The following STXBP5L variants were observed in gnomAD, a reference collection of about 807,000 sequenced individuals.
STXBP5L encodes syntaxin binding protein 5L, also known as syntaxin-binding protein 5-like.
A neutral mutation model predicts 144.5 loss-of-function variants in STXBP5L; 65 were observed. The ratio of observed to expected loss-of-function variants is 0.45; its 90% CI spans 0.37 to 0.55. The LOEUF (loss-of-function observed/expected upper bound fraction) is 0.55, where lower values mean the gene tolerates loss of function less well. Ranked by LOEUF, STXBP5L falls within the 20% of genes least tolerant of loss-of-function variation. The pLI is 0.00. For synonymous variants in STXBP5L, 505 were observed against 469.6 expected (o/e 1.08, Z -0.97); for missense variants, 1,298 against 1,405.5 (o/e 0.92, Z 1.22).
chr3:120,993,820 C>A (rs1280390374), intron 3 of STXBP5L, among the ~76,000 whole-genome samples: 2 of 151,488 alleles, frequency 1.3e-5, no homozygotes, highest in South Asian at 2.1e-4. Flanking sequence ...GGATTTTTTT[C>A]TATTTTTGTG....
At chr3:121,157,700 T>C in intron 9 of STXBP5L, 73 bp downstream of exon 9, 3 of 1,528,604 alleles carry the variant, frequency 2.0e-6, no homozygotes, top group Non-Finnish European at 2.6e-6. Context: ...AGAGATGGTA[T>C]TAATGCGTTT....
At chr3:121,291,624 A>G (rs775262340) in intron 19 of STXBP5L, among the ~76,000 whole-genome samples, 3 of 152,174 alleles carry the variant, frequency 2.0e-5, no homozygotes, top group Non-Finnish European at 2.9e-5. Flanking sequence ...AAAAGAAAAA[A>G]TCTGGAGGCA....
intron 22 of STXBP5L, among the ~76,000 whole-genome samples, chr3:121,399,144 T>C (rs1203825649): frequency 6.6e-6 from 1 of 152,208 alleles, no homozygotes; most frequent in Non-Finnish European, 1.5e-5. Context: ...TACTTCATTA[T>C]ACTCTCCTTC....
intron 3 of STXBP5L, among the ~76,000 whole-genome samples, chr3:121,027,192 ATG>A (rs66518713): frequency 0.099 from 15,053 of 152,068 alleles, 1,161 homozygotes; most frequent in Admixed American, 0.2. Context: ...TGATCAAAAT[ATG>A]TCTCATTCCA....
chr3:121,053,707 G>A (rs1424733439), intron 5 of STXBP5L, among the ~76,000 whole-genome samples: 1 of 152,158 alleles, frequency 6.6e-6, no homozygotes, highest in Non-Finnish European at 1.5e-5. Flanking sequence ...AGCACCAAAA[G>A]CAATGACAAC....
intron 3 of STXBP5L, among the ~76,000 whole-genome samples, chr3:120,976,380 T>C (rs1012155941): frequency 2.0e-5 from 3 of 152,130 alleles, no homozygotes; most frequent in Non-Finnish European, 4.4e-5. Context: ...TCTGTGGGAT[T>C]GGTGGTGATA....
intron 11 of STXBP5L, among the ~76,000 whole-genome samples, chr3:121,227,330 C>T (rs1315047773): frequency 1.3e-5 from 2 of 152,128 alleles, no homozygotes; most frequent in Admixed American, 1.3e-4. Flanking sequence ...CCTGTAATCC[C>T]AGCACTTTGG....
chr3:121,147,684 G>C (rs76338161), intron 7 of STXBP5L, among the ~76,000 whole-genome samples: 18,252 of 152,164 alleles, frequency 0.12, 1,153 homozygotes, highest in Non-Finnish European at 0.14. Context: ...TCATTCTAAA[G>C]GTTTAGGTGA....
chr3:120,926,192 AT>A (rs941264104), intron 2 of STXBP5L, among the ~76,000 whole-genome samples: 4 of 151,096 alleles, frequency 2.6e-5, no homozygotes, highest in African/African-American at 7.3e-5. Context: ...TTGTAAGTTA[AT>A]TTTTTTTTAA....
intron 6 of STXBP5L, among the ~76,000 whole-genome samples, chr3:121,121,039 G>T (rs576694046): frequency 2.5e-4 from 38 of 151,196 alleles, no homozygotes; most frequent in Non-Finnish European, 5.3e-4. Flanking sequence ...ACAATATTCT[G>T]TTAGACTCAT....
At chr3:121,166,143 A>G (rs1272322316) in intron 9 of STXBP5L, among the ~76,000 whole-genome samples, 2 of 151,934 alleles carry the variant, frequency 1.3e-5, no homozygotes, top group Non-Finnish European at 2.9e-5. Flanking sequence ...AGTAGCTGGG[A>G]CTACAGGTGT....
chr3:121,345,472 T>C (rs1259134788), intron 20 of STXBP5L, among the ~76,000 whole-genome samples: 1 of 152,130 alleles, frequency 6.6e-6, no homozygotes, highest in Non-Finnish European at 1.5e-5. Context: ...TAAACATACG[T>C]GTGCATATGT....
chr3:121,358,887 T>C (rs997477137), intron 20 of STXBP5L, among the ~76,000 whole-genome samples: 1 of 152,216 alleles, frequency 6.6e-6, no homozygotes, highest in Non-Finnish European at 1.5e-5. Flanking sequence ...TATTTATTCA[T>C]GTATGGATGG....
intron 3 of STXBP5L, among the ~76,000 whole-genome samples, chr3:120,980,997 T>C (rs901833438): frequency 6.6e-6 from 1 of 150,430 alleles, no homozygotes; most frequent in Non-Finnish European, 1.5e-5. Flanking sequence ...CTTTGCTAGA[T>C]TTTTTTTTTC....
intron 3 of STXBP5L, among the ~76,000 whole-genome samples, chr3:120,998,098 C>T (rs1943492792): frequency 1.3e-5 from 2 of 152,202 alleles, no homozygotes; most frequent in East Asian, 1.9e-4. Flanking sequence ...TAATTAGTGC[C>T]GTCTATGAAA....
At chr3:120,987,216 G>C (rs1227699384) in intron 3 of STXBP5L, among the ~76,000 whole-genome samples, 1 of 151,892 alleles carries the variant, frequency 6.6e-6, no homozygotes, top group East Asian at 1.9e-4. Context: ...TTCCAGAGTA[G>C]TCGTACAATT....
chr3:120,964,341 C>G (rs967596168), intron 3 of STXBP5L, among the ~76,000 whole-genome samples: 1 of 152,060 alleles, frequency 6.6e-6, no homozygotes, highest in African/African-American at 2.4e-5. Flanking sequence ...GCTCTTGCTT[C>G]TCTAGTTATA....
chr3:121,111,120 CT>C (rs1328041906), intron 5 of STXBP5L, among the ~76,000 whole-genome samples: 1 of 152,132 alleles, frequency 6.6e-6, no homozygotes, highest in African/African-American at 2.4e-5. Context: ...ACTGGTTATT[CT>C]GGTTAACAGC....
At chr3:121,344,441 C>A (rs1048961648) in intron 20 of STXBP5L, among the ~76,000 whole-genome samples, 6 of 152,062 alleles carry the variant, frequency 3.9e-5, no homozygotes, top group African/African-American at 1.4e-4. Context: ...CAACATTGGT[C>A]CCCCTAAGCC....
Sources: allele counts gnomAD v4.1 joint callset (sites outside exome capture counted in the v4.1 genomes callset), GRCh38; gene constraint gnomAD v4.1.1; transcripts MANE v1.5; gene names NCBI Gene and HGNC (gene_info 2026-07-23, HGNC 2026-07-21).